The following ANKRD17 variants were observed in gnomAD, a reference collection of about 807,000 sequenced individuals.
ANKRD17 encodes the protein ankyrin repeat domain-containing protein 17.
ANKRD17 carries 19 observed loss-of-function variants against 229.7 expected under a neutral mutation model. The observed-to-expected ratio is 0.08, with a 90% CI of 0.06 to 0.12. ANKRD17 has a LOEUF of 0.12. Among genes scored for constraint, ANKRD17 ranks in the 10% least tolerant of loss-of-function variants. The pLI is 1.00. For missense variants in ANKRD17, 2,176 were observed against 3,176.8 expected, an observed-to-expected ratio of 0.68 and a Z score of 7.57; for synonymous variants, 1,112 against 1,146.1, an observed-to-expected ratio of 0.97 and a Z score of 0.60.
rs750789087 is a variant in ANKRD17 at position 73,102,368 on chromosome 4, G to T, written c.4573+8C>A. ...AAAACAAATGGGATGGTTGTTAAGAGAAAATACCTTCAACTTTAAGCTTTT... is the reference window on the plus strand; with the variant it reads ...AAAACAAATGGGATGGTTGTTAAGATAAAATACCTTCAACTTTAAGCTTTT... On this transcript the variant is annotated splice_region_variant and intron_variant, in intron 25 of 33. Transcript: ENST00000358602. 2.5e-6 allele frequency: 4 copies of T among 1,576,760 alleles called. No individual in the cohort carries two copies. Among genetic ancestry groups the T allele is most frequent in the Non-Finnish European group, 3.4e-6 (4 of 1,170,962 alleles).
intron 3 of ANKRD17, among the ~76,000 whole-genome samples, chr4:73,160,956 TTATC>T (rs1732448712): frequency 6.6e-6 from 1 of 152,222 alleles, no homozygotes; most frequent in South Asian, 2.1e-4. Context: ...CTGCCACTTA[TTATC>T]TATTTGATCT....
chr4:73,250,589 C>CAAAAA (rs35160047), intron 1 of ANKRD17, among the ~76,000 whole-genome samples: 2,199 of 29,408 alleles, frequency 0.075, 508 homozygotes, highest in Non-Finnish European at 0.092. Context: ...GACCTTGTCT[C>CAAAAA]AAAAAAAAAA....
At chr4:73,173,939 A>G (rs1196571625) in intron 2 of ANKRD17, among the ~76,000 whole-genome samples, 4 of 152,058 alleles carry the variant, frequency 2.6e-5, no homozygotes, top group Non-Finnish European at 5.9e-5. Context: ...AATAATTTCA[A>G]CTGGGCATAA....
chr4:73,167,277 G>A (rs1395242601), intron 2 of ANKRD17, among the ~76,000 whole-genome samples: 2 of 152,120 alleles, frequency 1.3e-5, no homozygotes, highest in Non-Finnish European at 2.9e-5. Context: ...AAATAAAGGA[G>A]TGAGGGAGAG....
chr4:73,211,505 T>A (rs928007676), intron 1 of ANKRD17, among the ~76,000 whole-genome samples: 3 of 152,160 alleles, frequency 2.0e-5, no homozygotes, highest in Admixed American at 6.5e-5. Context: ...ATACACACTA[T>A]CATCTCAAAC....
chr4:73,153,987 C>T lies in ANKRD17; in HGVS notation c.1127G>A (p.Ser376Asn). The T allele has an allele frequency of 1.9e-6, 3 of 1,613,780 alleles. No homozygotes were observed. Among genetic ancestry groups the T allele is most frequent in the Non-Finnish European group, 1.7e-6 (2 of 1,179,856 alleles). ...NGHTPLMEAG[S>N]AGHVEVARLL... ...TCTGGCTACTTCCACATGTCCAGCACTTCCAGCTTCCATAAGAGGGGTATG... is the reference window on the plus strand; with the variant it reads ...TCTGGCTACTTCCACATGTCCAGCATTTCCAGCTTCCATAAGAGGGGTATG... Residue 376 changes from serine (S) to asparagine (N), a missense_variant, in exon 6 of 34, where the codon AGT (serine) becomes AAT (asparagine). Coordinates refer to ENST00000358602, the MANE Select transcript of ANKRD17 (RefSeq NM_032217.5).
At chr4:73,138,414 A>G (rs1429971634) in intron 15 of ANKRD17, among the ~76,000 whole-genome samples, 6 of 152,154 alleles carry the variant, frequency 3.9e-5, no homozygotes, top group African/African-American at 1.2e-4. Context: ...TTTTAAGTAT[A>G]AAATCTATCT....
intron 1 of ANKRD17, among the ~76,000 whole-genome samples, chr4:73,200,848 A>G (rs1448810612): frequency 1.3e-5 from 2 of 151,922 alleles, no homozygotes; most frequent in African/African-American, 2.4e-5. Flanking sequence ...GTAATCAGTC[A>G]TTTCCCTCCA....
Position 73,155,655 on chromosome 4 carries a change from C to G in ANKRD17, c.976G>C (p.Asp326His). 1 of 1,614,106 alleles carries G rather than the reference C, an allele frequency of 6.2e-7. No homozygotes were observed. The highest frequency in any genetic ancestry group is 2.2e-5 in the East Asian group (1 of 44,846). ...CCTGTTGAAGACTGTGCATTAACAT[C>G]TGCTTTATGAGCTAGCAGCAACTTC... is the stretch of plus-strand genomic sequence containing the variant. ...IVKLLLAHKA[D>H]VNAQSSTGNT... Residue 326 changes from aspartate (D) to histidine (H), a missense_variant, in exon 5 of 34, where the codon GAT becomes CAT. Physicochemically the swap from Asp to His is moderately conservative, Grantham distance 81 (BLOSUM62 -1). Transcript: ENST00000358602.
chr4:73,135,079 C>A (rs1376353299), intron 16 of ANKRD17, 38 bp downstream of exon 16: 1 of 1,567,078 alleles, frequency 6.4e-7, no homozygotes, highest in African/African-American at 1.4e-5. Context: ...TGGCATAATT[C>A]CAATGAAAAA....
intron 30 of ANKRD17, among the ~76,000 whole-genome samples, chr4:73,081,422 T>A (rs1345265436): frequency 6.6e-6 from 1 of 152,182 alleles, no homozygotes; most frequent in Non-Finnish European, 1.5e-5. Context: ...TGGTTCTGCA[T>A]AGCCTTATAT....
intron 2 of ANKRD17, among the ~76,000 whole-genome samples, chr4:73,161,804 T>C (rs1266721814): frequency 6.6e-6 from 1 of 152,182 alleles, no homozygotes; most frequent in Admixed American, 6.5e-5. Context: ...TTTTAACTCA[T>C]TGACGCCAGT....
At chr4:73,165,036 G>A (rs940731758) in intron 2 of ANKRD17, among the ~76,000 whole-genome samples, 2 of 152,006 alleles carry the variant, frequency 1.3e-5, no homozygotes, top group African/African-American at 4.8e-5. Flanking sequence ...GGGCTAAAAT[G>A]CAAGAGAAAT....
intron 1 of ANKRD17, among the ~76,000 whole-genome samples, chr4:73,212,588 G>C (rs1304728908): frequency 1.3e-5 from 2 of 150,144 alleles, no homozygotes; most frequent in Non-Finnish European, 3.0e-5. Context: ...GAGAAACTGA[G>C]AAAGATATTA....
chr4:73,129,233 C>A (rs1270954379), intron 16 of ANKRD17, among the ~76,000 whole-genome samples: 4 of 152,076 alleles, frequency 2.6e-5, no homozygotes, highest in Non-Finnish European at 5.9e-5. Context: ...ATGATGAATT[C>A]TGGCTTATAA....
chr4:73,197,999 T>C (rs1417383596), intron 1 of ANKRD17, among the ~76,000 whole-genome samples: 1 of 152,216 alleles, frequency 6.6e-6, no homozygotes, highest in Non-Finnish European at 1.5e-5. Flanking sequence ...GAAAACTATG[T>C]ATAAATGATT....
chr4:73,110,066 G>C (rs1375072096), intron 24 of ANKRD17, among the ~76,000 whole-genome samples: 1 of 140,400 alleles, frequency 7.1e-6, no homozygotes, highest in African/African-American at 2.6e-5. Flanking sequence ...ATGAAGTGAA[G>C]GGGGTAAAAA....
chr4:73,109,071 G>A (rs1724985420), intron 24 of ANKRD17, among the ~76,000 whole-genome samples: 3 of 152,178 alleles, frequency 2.0e-5, no homozygotes, highest in Non-Finnish European at 4.4e-5. Context: ...AGGCCAAGGC[G>A]GGCAGATTGC....
chr4:73,179,468 G>GTA (rs1429629745), intron 1 of ANKRD17, among the ~76,000 whole-genome samples: 79 of 25,796 alleles, frequency 3.1e-3, no homozygotes, highest in African/African-American at 7.6e-3. Context: ...ATGTATATAT[G>GTA]TGTGTGTGTG....
Sources: gnomAD v4.1 joint callset for allele counts (sites outside exome capture counted in the v4.1 genomes callset) on GRCh38, gnomAD v4.1.1 for gene constraint, MANE v1.5 for transcripts, NCBI Gene and HGNC (gene_info 2026-07-23, HGNC 2026-07-21) for gene names.